ITGA10: variants seen among roughly 807,000 people sequenced by gnomAD.
ITGA10 encodes the protein integrin alpha-10.
ITGA10 carries 105 observed loss-of-function variants against 145.2 expected under a neutral mutation model. The observed-to-expected ratio is 0.72, with a 90% CI of 0.62 to 0.85. ITGA10 has a LOEUF of 0.85. Among genes scored for constraint, ITGA10 ranks in the 40% least tolerant of loss-of-function variants. ITGA10 has a pLI of 0.00. For synonymous variants in ITGA10, 506 were observed against 557.8 expected, an observed-to-expected ratio of 0.91 and a Z score of 1.31; for missense variants, 1,317 against 1,444.5, an observed-to-expected ratio of 0.91 and a Z score of 1.43.
Position 145,902,512 on chromosome 1 carries a change from A to G in ITGA10, c.1017T>C (p.Asp339=). The stretch of plus-strand genomic sequence containing the variant: ...CCACAATGTCAGTCAGAGCAGCCTC[A>G]TCTGTGACATTGAAGAAGAATCGCT... ...PDERFFFNVT[D]EAALTDIVDA... The change falls in exon 9 of 30, where the codon GAT becomes GAC. Residue 339 remains aspartate, a synonymous_variant. Transcript: ENST00000369304. 6.2e-7 allele frequency: 1 copy of G among 1,613,922 alleles called. No individual in the cohort carries two copies. The highest frequency in any genetic ancestry group is 8.5e-7 in the Non-Finnish European group (1 of 1,179,906).
In ITGA10 at chr1:145,896,158, C is replaced by G. The variant is rs1279614862; in HGVS notation, c.2920-62G>C. The G allele has an allele frequency of 6.6e-6, 10 of 1,504,852 alleles. No homozygotes were observed. The Admixed American group carries it at 1.5e-4, about 23-fold the overall frequency. 93.2% of individuals were successfully genotyped at this position (1,504,852 alleles called of 1,614,324 possible). ...CAGAAGACCCTTCCTCATTTGTTCC[C>G]CTTCACCCTAGATACCATTAAAATC... is the stretch of plus-strand genomic sequence containing the variant. On this transcript the variant is annotated intron_variant, in intron 24 of 29. Coordinates refer to ENST00000369304, the MANE Select transcript of ITGA10 (RefSeq NM_003637.5).
At chr1:145,900,383 C>G (rs1553747599) in intron 14 of ITGA10, among the ~76,000 whole-genome samples, 196 bp from the exon 15 acceptor site, 1 of 152,074 alleles carries the variant, frequency 6.6e-6, no homozygotes, top group African/African-American at 2.4e-5. Context: ...TTCTCCTGCC[C>G]TAGCCTCCTG....
At position 145,904,095 on chromosome 1, in the gene ITGA10, C is replaced by T. The variant is rs1553750214; in HGVS notation, c.715G>A (p.Glu239Lys). The stretch of plus-strand genomic sequence containing the variant: ...TGGGCAGTCTTTGTTTCTCGTCCCT[C>T]CCGCCGACTGAGGTTCTTTGCTGCT... The part of the protein sequence containing the change: ...VRAAKNLSRR[E>K]GRETKTAQAI... Residue 239 changes from glutamate to lysine, a missense_variant, in exon 7 of 30, where the codon GAG (glutamate) becomes AAG (lysine). Physicochemically the swap from Glu to Lys is moderately conservative, Grantham distance 56. Transcript: ENST00000369304. 6.2e-7 allele frequency: 1 copy of T among 1,614,150 alleles called. No homozygotes were observed. Among genetic ancestry groups the T allele is most frequent in the South Asian group, 1.1e-5 (1 of 91,080 alleles).
At position 145,903,106 on chromosome 1, in the gene ITGA10, G is replaced by A. The variant is rs1320648470; in HGVS notation, c.759-145C>T. 24 of 725,366 alleles carry A rather than the reference G, an allele frequency of 3.3e-5. No homozygotes were observed. The East Asian group carries it at 6.1e-4, about 18-fold the overall frequency. The allele number at this position is 725,366 out of a possible 1,614,324, so 44.9% of individuals were successfully genotyped here. A position where few individuals can be genotyped will look rare whatever the true frequency, so the allele number is the denominator to read the frequency against. ...GCACTTCCCTGAGGTCAGGCATCTT[G>A]CCTTTTAGGCCATTTCCTGAGTATT... On this transcript the variant is annotated intron_variant, in intron 7 of 29. Coordinates refer to ENST00000369304, the MANE Select transcript of ITGA10 (RefSeq NM_003637.5).
Position 145,893,242 on chromosome 1 carries a change from G to T in ITGA10, c.3357C>A (p.Ile1119=). ...CTATGAGGATCCACAGGGAGATGAGGATAGGCCGGGTCTGAACCACCTCCA... is the reference window on the plus strand; with the variant it reads ...CTATGAGGATCCACAGGGAGATGAGTATAGGCCGGGTCTGAACCACCTCCA... ...SLLEVVQTRP[I]LISLWILIGS... is the part of the protein sequence containing the mutation. The change falls in exon 29 of 30, where the codon ATC becomes ATA. Residue 1119 remains isoleucine (I), a synonymous_variant. Transcript: ENST00000369304. 6.2e-7 allele frequency: 1 copy of T among 1,614,144 alleles called. No homozygotes were observed.
At chr1:145,900,308 C>T (rs587672746) in intron 14 of ITGA10, 121 bp from the exon 15 acceptor site, 64 of 1,160,246 alleles carry the variant, frequency 5.5e-5, no homozygotes, top group Non-Finnish European at 7.2e-5. Context: ...ACTCTTGTTG[C>T]CCAGGCTGGA....
Position 145,901,638 on chromosome 1 carries a change from G to C in ITGA10, c.1321C>G (p.Arg441Gly). 1 of 1,579,088 alleles carries C rather than the reference G, an allele frequency of 6.3e-7. No individual in the cohort carries two copies. Among genetic ancestry groups the C allele is most frequent in the Non-Finnish European group, 8.6e-7 (1 of 1,166,058 alleles). The change falls in exon 12 of 30, where the codon CGG (arginine) becomes GGG (glycine). Residue 441 changes from arginine (R) to glycine (G), a missense_variant. Coordinates refer to ENST00000369304, the MANE Select transcript of ITGA10 (RefSeq NM_003637.5). This position sits in a 1 kb window ranked among gnomAD's most constrained non-coding sequence, Gnocchi z 4.3. The stretch of plus-strand genomic sequence containing the variant: ...GAGAGAAACAGGCGGCGTCCACCCC[G>C]CAAAAGCATGGAAGAAACAGAGTAA... ...LGYSVSSMLL[R>G]GGRRLFLSGA...
In ITGA10 at chr1:145,900,415, G is replaced by A. The variant is rs587749233; in HGVS notation, c.1792-228C>T. 5.0e-3 allele frequency among the ~76,000 whole-genome samples: 767 copies of A among 152,164 alleles called. 11 individuals are homozygous for A. The highest frequency in any genetic ancestry group is 0.035 in the South Asian group (167 of 4,822). The stretch of plus-strand genomic sequence containing the variant: ...CCTGAGTAACTGGGATTATAGGTGT[G>A]CGCCACCAGGCCCGGCTAATTTTTT... On this transcript the variant is annotated intron_variant, in intron 14 of 29. Transcript: ENST00000369304.
chr1:145,895,777 G>T, intron 25 of ITGA10, 66 bp from the exon 26 acceptor site: 1 of 1,391,058 alleles, frequency 7.2e-7, no homozygotes, highest in Non-Finnish European at 1.0e-6. Context: ...AGGCTGAGTT[G>T]GAACATACCT....
intron 29 of ITGA10, 73 bp downstream of exon 29, chr1:145,893,088 C>A: frequency 1.7e-6 from 2 of 1,199,740 alleles, no homozygotes; most frequent in Non-Finnish European, 2.5e-6. Context: ...AAATCCTGTT[C>A]TCTCTGCTAT....
At chr1:145,906,977 G>A in intron 3 of ITGA10, 64 bp downstream of exon 3, 1 of 1,266,820 alleles carries the variant, frequency 7.9e-7, no homozygotes, top group Non-Finnish European at 1.1e-6. Flanking sequence ...GAGGTATAGG[G>A]AGTTGAAGCT....
In ITGA10 at chr1:145,897,031, G is replaced by A. The variant is rs782057365; in HGVS notation, c.2724C>T (p.Phe908=). 6.8e-6 allele frequency: 11 copies of A among 1,614,052 alleles called. No individual in the cohort carries two copies. The highest frequency in any genetic ancestry group is 3.3e-5 in the Admixed American group (2 of 60,024). ...FSCSSLLSQV[F]VKLTASSDSL... ...CTCACCTGCTGGCAGTCAGCTTCAC[G>A]AAGACCTGGCTCAGGAGAGAGGAGC... The change falls in exon 22 of 30, where the codon TTC becomes TTT. Residue 908 remains phenylalanine, a synonymous_variant. Transcript: ENST00000369304.
intron 21 of ITGA10, 76 bp from the exon 22 acceptor site, chr1:145,897,163 G>T: frequency 6.4e-7 from 1 of 1,555,590 alleles, no homozygotes; most frequent in African/African-American, 1.4e-5. Context: ...GCCCTTGTGC[G>T]CCCCCTTCCC....
rs587634238 is a variant in ITGA10, at chr1:145,902,729, A to C, written c.909+82T>G. Reference sequence around the variant, plus strand: ...AGTAGTTAATGCCCTTGTTTTCCTCAAGTTCCCAGTCCTTGGACAGTTCAC... The same window carrying C: ...AGTAGTTAATGCCCTTGTTTTCCTCCAGTTCCCAGTCCTTGGACAGTTCAC... On this transcript the variant is annotated intron_variant, in intron 8 of 29. Transcript: ENST00000369304. The C allele has an allele frequency of 5.8e-6, 9 of 1,542,502 alleles. No individual in the cohort carries two copies. The African/African-American group carries it at 1.2e-4, about 21-fold the overall frequency.
At position 145,901,708 on chromosome 1, in the gene ITGA10, G is replaced by T; in HGVS notation, c.1295-44C>A. 6.5e-7 allele frequency: 1 copy of T among 1,536,412 alleles called. No individual in the cohort carries two copies. The highest frequency in any genetic ancestry group is 1.3e-5 in the South Asian group (1 of 77,340). ...ACAGAGGTAAAGGAAAAGAAGATGG[G>T]GTCCAGAGTAGGGGGGTTCCCTAAA... On this transcript the variant is annotated intron_variant, in intron 11 of 29. Transcript: ENST00000369304. This position sits in a 1 kb window ranked among gnomAD's most constrained non-coding sequence, Gnocchi z 4.3.
At chr1:145,893,088 C>T in intron 29 of ITGA10, 73 bp downstream of exon 29, 1 of 1,199,740 alleles carries the variant, frequency 8.3e-7, no homozygotes, top group South Asian at 1.2e-5. Context: ...AAATCCTGTT[C>T]TCTCTGCTAT....
At chr1:145,893,454 T>A (rs1654962747) in intron 28 of ITGA10, 86 bp downstream of exon 28, 2 of 1,112,934 alleles carry the variant, frequency 1.8e-6, no homozygotes, top group Non-Finnish European at 2.7e-6. Flanking sequence ...TGGAGATGCC[T>A]TCGTTCTGAA....
chr1:145,893,371 A>T (rs1023823585), intron 28 of ITGA10, 97 bp from the exon 29 acceptor site: 13 of 992,132 alleles, frequency 1.3e-5, no homozygotes, highest in African/African-American at 1.3e-4. Flanking sequence ...AGAATAAATA[A>T]CCTCCTGCTA....
At chr1:145,895,803 T>C (rs1401406065) in intron 25 of ITGA10, 92 bp from the exon 26 acceptor site, 3 of 1,204,954 alleles carry the variant, frequency 2.5e-6, no homozygotes, top group African/African-American at 3.0e-5. Flanking sequence ...CTTGTAGTTC[T>C]TCCCCTTATA....
Sources: allele counts gnomAD v4.1 joint callset (sites outside exome capture counted in the v4.1 genomes callset), GRCh38; gene constraint gnomAD v4.1.1; non-coding constraint Gnocchi (gnomAD v3.1); transcripts MANE v1.5; gene names NCBI Gene and HGNC (gene_info 2026-07-23, HGNC 2026-07-21).